Variants in CD86 observed in about 807,000 individuals in gnomAD.
CD86 encodes the protein CD86 molecule, also known as T-lymphocyte activation antigen CD86.
In CD86, 11 loss-of-function variants were observed where a neutral mutation model predicts 32.1. That is an observed-to-expected ratio of 0.34 (90% CI 0.22 to 0.57). The LOEUF (loss-of-function observed/expected upper bound fraction) is 0.57. CD86 is among the 20% of genes least tolerant of loss of function. The pLI is 0.86. For synonymous variants in CD86, 137 were observed against 135.3 expected (o/e 1.01, Z -0.09); for missense variants, 359 against 398.4 (o/e 0.90, Z 0.84).
rs528863019 is a variant in CD86 at position 122,100,186 on chromosome 3, G to T, written c.65-3326G>T. On this transcript the variant is annotated intron_variant, in intron 2 of 6. Transcript: ENST00000330540. ...CATTCATGAAGAAGTCACCCAAATT[G>T]TTAGCAAGACCTTGCATCTAATGCC... Among the ~76,000 whole-genome samples the T allele has an allele frequency of 2.6e-5, 4 of 152,298 alleles. No individual in the cohort carries two copies. The South Asian group carries it at 8.3e-4, about 32-fold the overall frequency.
chr3:122,100,023 C>G (rs1576779304), intron 2 of CD86, among the ~76,000 whole-genome samples: 3 of 152,262 alleles, frequency 2.0e-5, no homozygotes, highest in Middle Eastern at 3.4e-3. Flanking sequence ...GATTAAGATT[C>G]TAGGGACTGA....
intron 3 of CD86, among the ~76,000 whole-genome samples, chr3:122,104,287 A>G (rs1022342761): frequency 6.6e-6 from 1 of 152,152 alleles, no homozygotes; most frequent in Non-Finnish European, 1.5e-5. Context: ...GACAGCTGAC[A>G]CATTTGGGTT....
chr3:122,088,287 C>G (rs1198147121), intron 1 of CD86, among the ~76,000 whole-genome samples: 1 of 144,876 alleles, frequency 6.9e-6, no homozygotes, highest in Non-Finnish European at 1.5e-5. Flanking sequence ...ACCATCTTTT[C>G]AAATGTATGA....
chr3:122,101,508 AAAAAAAT>A (rs1306321834), intron 2 of CD86, among the ~76,000 whole-genome samples: 4 of 40,474 alleles, frequency 9.9e-5, no homozygotes, highest in Admixed American at 7.4e-4. Context: ...AAAAAAAAAA[AAAAAAAT>A]ATATATATAT....
chr3:122,066,867 AAAAT>A (rs1279620637), intron 1 of CD86, among the ~76,000 whole-genome samples: 3 of 152,194 alleles, frequency 2.0e-5, no homozygotes, highest in African/African-American at 7.2e-5. Context: ...TTATAATGGA[AAAAT>A]AAATAGTGTG....
chr3:122,108,613 T>A (rs1221295606), intron 4 of CD86, among the ~76,000 whole-genome samples: 1 of 152,130 alleles, frequency 6.6e-6, no homozygotes, highest in Non-Finnish European at 1.5e-5. Context: ...CCCCAGAAAC[T>A]TAGGAGTTCT....
intron 4 of CD86, among the ~76,000 whole-genome samples, chr3:122,106,840 G>GCGCACACACACA (rs1553754159): frequency 7.0e-6 from 1 of 143,476 alleles, no homozygotes; most frequent in Non-Finnish European, 1.5e-5. Context: ...ACATGCGCTT[G>GCGCACACACACA]CACACACACA....
intron 3 of CD86, 38 bp downstream of exon 3, chr3:122,103,885 T>C: frequency 6.6e-7 from 1 of 1,515,568 alleles, no homozygotes; most frequent in Non-Finnish European, 9.1e-7. Flanking sequence ...TTCTTAGCCT[T>C]CTCAGATGAG....
chr3:122,070,554 G>C (rs1282665478), intron 1 of CD86, among the ~76,000 whole-genome samples: 1 of 152,116 alleles, frequency 6.6e-6, no homozygotes, highest in African/African-American at 2.4e-5. Flanking sequence ...AGTTAAAATT[G>C]TATCGCCCCT....
At chr3:122,072,845 AG>A (rs1346564770) in intron 1 of CD86, among the ~76,000 whole-genome samples, 1 of 152,030 alleles carries the variant, frequency 6.6e-6, no homozygotes, top group African/African-American at 2.4e-5. Flanking sequence ...GTTTTCTTCT[AG>A]GGTTTTTATG....
At chr3:122,077,456 A>C (rs1167687356) in intron 1 of CD86, among the ~76,000 whole-genome samples, 1 of 152,172 alleles carries the variant, frequency 6.6e-6, no homozygotes, top group African/African-American at 2.4e-5. Context: ...GGATGGGTGG[A>C]GAGATGTACT....
chr3:122,086,963 C>T (rs1272117992), intron 1 of CD86, among the ~76,000 whole-genome samples: 2 of 152,186 alleles, frequency 1.3e-5, no homozygotes, highest in Non-Finnish European at 2.9e-5. Flanking sequence ...CTCAGCTGTA[C>T]CATTTACTAG....
At chr3:122,079,000 A>G (rs770329641) in intron 1 of CD86, among the ~76,000 whole-genome samples, 1 of 152,166 alleles carries the variant, frequency 6.6e-6, no homozygotes, top group Non-Finnish European at 1.5e-5. Context: ...ATAAATCTCT[A>G]TTTATTTATT....
intron 2 of CD86, among the ~76,000 whole-genome samples, chr3:122,093,422 G>A (rs1412543085): frequency 1.3e-5 from 2 of 152,178 alleles, no homozygotes; most frequent in African/African-American, 4.8e-5. Flanking sequence ...TTTTGTCATT[G>A]TATAATCATC....
chr3:122,101,393 C>A (rs1039165847), intron 2 of CD86, among the ~76,000 whole-genome samples: 1 of 150,216 alleles, frequency 6.7e-6, no homozygotes, highest in African/African-American at 2.5e-5. Flanking sequence ...AAGAGAAAGC[C>A]GTTGTAATCT....
rs777596388 is a variant in CD86 at position 122,091,586 on chromosome 3, T to C, written c.15-15T>C. 6.2e-7 allele frequency: 1 copy of C among 1,604,870 alleles called. No individual in the cohort carries two copies. The highest frequency in any genetic ancestry group is 8.5e-7 in the Non-Finnish European group (1 of 1,171,966). On this transcript the variant is annotated splice_polypyrimidine_tract_variant and intron_variant, in intron 1 of 6. Transcript: ENST00000330540. ...TTTTCTAATCAAGTTTTACCTTTTT[T>C]TTTCTCGACTCTAGCACTATGGGAC... is the stretch of plus-strand genomic sequence containing the variant.
In CD86 at chr3:122,115,264, T is replaced by G. The variant is rs529598480; in HGVS notation, c.848-2784T>G. 2.0e-5 allele frequency among the ~76,000 whole-genome samples: 3 copies of G among 152,244 alleles called. No homozygotes were observed. In the East Asian group the frequency reaches 5.8e-4, roughly 29 times the overall value. On this transcript the variant is annotated intron_variant, in intron 5 of 6. Coordinates refer to ENST00000330540, the MANE Select transcript of CD86 (RefSeq NM_175862.5). ...AAAATTAATAGCATTTATAATAGCA[T>G]CAAATAATATTAAAAACTTGGAAAT...
intron 1 of CD86, among the ~76,000 whole-genome samples, chr3:122,079,612 G>A (rs973433319): frequency 6.6e-6 from 1 of 152,204 alleles, no homozygotes; most frequent in Non-Finnish European, 1.5e-5. Context: ...GAAAGGACAG[G>A]GCCATAGGCT....
At chr3:122,107,155 G>T (rs901370847) in intron 4 of CD86, among the ~76,000 whole-genome samples, 5 of 152,154 alleles carry the variant, frequency 3.3e-5, no homozygotes, top group Non-Finnish European at 5.9e-5. Flanking sequence ...GATCCCTGAG[G>T]GTCAGGGAAT....
Sources: allele counts gnomAD v4.1 joint callset (sites outside exome capture counted in the v4.1 genomes callset), GRCh38; gene constraint gnomAD v4.1.1; transcripts MANE v1.5; gene names NCBI Gene and HGNC (gene_info 2026-07-23, HGNC 2026-07-21).